Variants in AP2B1 observed in about 807,000 individuals in gnomAD.
AP2B1 encodes the protein adaptor related protein complex 2 subunit beta 1, also known as AP-2 complex subunit beta.
Under a neutral mutation model 102.0 loss-of-function variants are expected in AP2B1, and 23 were observed. That is an observed-to-expected ratio of 0.23 (90% CI 0.16 to 0.32). AP2B1 has a LOEUF of 0.32. Ranked by LOEUF, AP2B1 falls within the 10% of genes least tolerant of loss-of-function variation. The pLI is 1.00. For synonymous variants in AP2B1, 381 were observed against 421.2 expected (o/e 0.90, Z 1.17); for missense variants, 541 against 1,157.4 (o/e 0.47, Z 7.73).
intron 14 of AP2B1, among the ~76,000 whole-genome samples, chr17:35,660,778 C>G (rs2142898938): frequency 6.6e-6 from 1 of 152,348 alleles, no homozygotes; most frequent in East Asian, 1.9e-4. Context: ...GCCACCACGC[C>G]TGGCCCTTTT....
chr17:35,619,905 C>A (rs919622973), intron 5 of AP2B1, among the ~76,000 whole-genome samples: 3 of 152,108 alleles, frequency 2.0e-5, no homozygotes, highest in African/African-American at 7.2e-5. Context: ...GTGCCTCAGC[C>A]TCCCGAGTAG....
chr17:35,609,430 T>C (rs898098486), intron 5 of AP2B1, among the ~76,000 whole-genome samples: 1 of 151,082 alleles, frequency 6.6e-6, no homozygotes, highest in East Asian at 1.9e-4. Context: ...CACTGCAAGC[T>C]CCGCCTTCCA....
At chr17:35,649,374 T>C (rs1297286410) in intron 12 of AP2B1, among the ~76,000 whole-genome samples, 2 of 152,128 alleles carry the variant, frequency 1.3e-5, no homozygotes, top group Non-Finnish European at 2.9e-5. Flanking sequence ...GTTCGAGTGA[T>C]TCTCCTACCT....
chr17:35,668,359 A>G (rs562392444), intron 14 of AP2B1, among the ~76,000 whole-genome samples: 7 of 152,272 alleles, frequency 4.6e-5, no homozygotes, highest in Non-Finnish European at 1.0e-4. Context: ...CCTTGGCTGT[A>G]CATTAGAATC....
At chr17:35,596,462 C>T (rs2073276092) in intron 2 of AP2B1, among the ~76,000 whole-genome samples, 1 of 151,954 alleles carries the variant, frequency 6.6e-6, no homozygotes, top group African/African-American at 2.4e-5. Flanking sequence ...CTAATTTCAT[C>T]CTTTCCACAT....
intron 3 of AP2B1, among the ~76,000 whole-genome samples, chr17:35,602,103 T>C (rs2073508864): frequency 6.6e-6 from 1 of 152,228 alleles, no homozygotes; most frequent in Non-Finnish European, 1.5e-5. Flanking sequence ...TTTTATATGC[T>C]TGCTATTGCT....
intron 2 of AP2B1, among the ~76,000 whole-genome samples, chr17:35,597,882 T>A (rs1339626134): frequency 6.6e-6 from 1 of 152,212 alleles, no homozygotes; most frequent in Non-Finnish European, 1.5e-5. Context: ...GTTTATGTTC[T>A]CCTCCAGACT....
chr17:35,686,106 G>A (rs767777994), intron 18 of AP2B1, among the ~76,000 whole-genome samples: 3 of 152,128 alleles, frequency 2.0e-5, no homozygotes, highest in Non-Finnish European at 2.9e-5. Context: ...TTAAATATGG[G>A]AATTAAATAC....
rs1196415335 is a variant in AP2B1 at position 35,672,484 on chromosome 17, G to A, written c.2178+584G>A. The stretch of plus-strand genomic sequence containing the variant: ...CTTGGGAAAAGCACCATCCAGGCTA[G>A]GCCAGGCTTCATACAGTCTTACCTT... On this transcript the variant is annotated intron_variant, in intron 16 of 21. Transcript: ENST00000610402. 2.6e-5 allele frequency among the ~76,000 whole-genome samples: 4 copies of A among 152,202 alleles called. No homozygotes were observed. In the East Asian group the frequency reaches 7.7e-4, roughly 29 times the overall value.
chr17:35,653,222 TA>T (rs2075133116), intron 13 of AP2B1, among the ~76,000 whole-genome samples: 1 of 152,224 alleles, frequency 6.6e-6, no homozygotes, highest in Non-Finnish European at 1.5e-5. Flanking sequence ...CTTGCTTTAA[TA>T]AAACCTTATG....
chr17:35,652,031 G>A (rs758109844), intron 13 of AP2B1, among the ~76,000 whole-genome samples: 22 of 152,202 alleles, frequency 1.4e-4, no homozygotes, highest in Non-Finnish European at 3.1e-4. Context: ...TCACATGGAA[G>A]TGGGGAAATG....
At chr17:35,680,690 T>TTTTTTGG (rs2075800724) in intron 17 of AP2B1, among the ~76,000 whole-genome samples, 1 of 56,880 alleles carries the variant, frequency 1.8e-5, no homozygotes, top group African/African-American at 9.1e-5. Flanking sequence ...GTTTTGGTTT[T>TTTTTTGG]TTTTTTTTTG....
rs192219811 is a variant in AP2B1 at position 35,668,643 on chromosome 17, G to A, written c.1990-2214G>A. Among the ~76,000 whole-genome samples the A allele has an allele frequency of 5.3e-5, 8 of 152,238 alleles. No individual in the cohort carries two copies. The East Asian group carries it at 1.5e-3, about 29-fold the overall frequency. On this transcript the variant is annotated intron_variant, in intron 14 of 21. Transcript: ENST00000610402. ...AAGACAGCCTTTGCAAACTTATTTT[G>A]TATGAGTATTTTTTTAAAACACATA...
chr17:35,678,249 CT>C (rs1257249643), intron 17 of AP2B1, among the ~76,000 whole-genome samples: 1 of 152,144 alleles, frequency 6.6e-6, no homozygotes, highest in Non-Finnish European at 1.5e-5. Context: ...TTTCCTTCAA[CT>C]TTGTTAAACT....
chr17:35,657,902 T>G (rs764966510), intron 14 of AP2B1, 111 bp downstream of exon 14: 1 of 911,694 alleles, frequency 1.1e-6, no homozygotes, highest in Admixed American at 3.0e-5. Flanking sequence ...TGAGCAGTAG[T>G]GTCCTTTGAT....
At chr17:35,720,830 A>G (rs183447240) in intron 21 of AP2B1, among the ~76,000 whole-genome samples, 1 of 150,822 alleles carries the variant, frequency 6.6e-6, no homozygotes, top group Non-Finnish European at 1.5e-5. Flanking sequence ...CCACAATACC[A>G]TCTAAATCTC....
chr17:35,624,786 A>G (rs377038661), intron 6 of AP2B1, among the ~76,000 whole-genome samples, 199 bp downstream of exon 6: 4 of 152,298 alleles, frequency 2.6e-5, no homozygotes, highest in African/African-American at 9.6e-5. Flanking sequence ...TAAGAAATGT[A>G]TGTTTTTCAT....
At chr17:35,643,142 G>A (rs1315062371) in intron 12 of AP2B1, among the ~76,000 whole-genome samples, 1 of 150,054 alleles carries the variant, frequency 6.7e-6, no homozygotes, top group East Asian at 1.9e-4. Context: ...AATTGTCTTG[G>A]GCCACACATA....
At position 35,639,739 on chromosome 17, in the gene AP2B1, T is replaced by C; in HGVS notation, c.1416T>C (p.Gly472=). The change falls in exon 11 of 22, where the codon GGT becomes GGC. Residue 472 remains glycine (G), a synonymous_variant. Transcript: ENST00000610402. ...ADELLESFLE[G]FHDESTQVQL... is the part of the protein sequence containing the mutation. ...AGTTACTAGAAAGCTTCCTGGAGGG[T>C]TTTCACGATGAAAGCACCCAGGTAA... 1 of 1,613,696 alleles carries C rather than the reference T, an allele frequency of 6.2e-7. No homozygotes were observed. The highest frequency in any genetic ancestry group is 8.5e-7 in the Non-Finnish European group (1 of 1,179,868).
Sources: gnomAD v4.1 joint callset for allele counts (sites outside exome capture counted in the v4.1 genomes callset) on GRCh38, gnomAD v4.1.1 for gene constraint, MANE v1.5 for transcripts, NCBI Gene and HGNC (gene_info 2026-07-23, HGNC 2026-07-21) for gene names.